DLGAP2: variants seen among roughly 807,000 people sequenced by gnomAD.
DLGAP2 encodes the protein disks large-associated protein 2.
A neutral mutation model predicts 100.3 loss-of-function variants in DLGAP2; 26 were observed. The ratio of observed to expected loss-of-function variants is 0.26; its 90% CI spans 0.19 to 0.36. The LOEUF is 0.36. Among genes scored for constraint, DLGAP2 ranks in the 10% least tolerant of loss-of-function variants. The pLI is 1.00. For synonymous variants in DLGAP2, 886 were observed against 630.1 expected, an observed-to-expected ratio of 1.41 and a Z score of -6.08; for missense variants, 1,858 against 1,453.2, an observed-to-expected ratio of 1.28 and a Z score of -4.53.
At chr8:761,403 G>A (rs898281400) in intron 1 of DLGAP2, among the ~76,000 whole-genome samples, 7 of 152,200 alleles carry the variant, frequency 4.6e-5, no homozygotes, top group Non-Finnish European at 8.8e-5. Context: ...ATTGCATCAC[G>A]GATTTTGGCT....
In DLGAP2 at chr8:919,547, A is replaced by T. The variant is rs187936318; in HGVS notation, c.73+11581A>T. Among the ~76,000 whole-genome samples, 51 of 152,298 alleles carry T rather than the reference A, an allele frequency of 3.3e-4. 1 individual carries two copies. Among genetic ancestry groups the T allele is most frequent in the African/African-American group, 1.2e-3 (49 of 41,570 alleles). On this transcript the variant is annotated intron_variant, in intron 2 of 14. Transcript: ENST00000637795. ...TGCCACCATCCACCCAGTTAACATC[A>T]GGTTGGCCTTGAGAATAGAGTCCAC...
chr8:974,706 A>G (rs780965855), intron 2 of DLGAP2, among the ~76,000 whole-genome samples: 3 of 152,206 alleles, frequency 2.0e-5, no homozygotes, highest in Admixed American at 6.5e-5. Flanking sequence ...CTAAGTAAAA[A>G]TGAAAATTCA....
intron 1 of DLGAP2, chr8:883,230 G>T (rs376391766): frequency 6.6e-6 from 1 of 152,418 alleles, no homozygotes; most frequent in East Asian, 1.9e-4. Flanking sequence ...CGGCCTCCAC[G>T]TGCAGTGACC....
chr8:1,470,372 G>C (rs1204489780), intron 3 of DLGAP2, among the ~76,000 whole-genome samples: 1 of 152,158 alleles, frequency 6.6e-6, no homozygotes, highest in Non-Finnish European at 1.5e-5. Flanking sequence ...TACAACCTGA[G>C]TCCACCACAG....
chr8:1,209,458 G>T (rs1190894279), intron 2 of DLGAP2, among the ~76,000 whole-genome samples: 1 of 152,162 alleles, frequency 6.6e-6, no homozygotes, highest in Non-Finnish European at 1.5e-5. Context: ...TGTAGTCCTA[G>T]ATCTGTGCTG....
chr8:1,258,971 G>A, intron 3 of DLGAP2, 88 bp downstream of exon 3: 2 of 1,113,216 alleles, frequency 1.8e-6, no homozygotes, highest in Non-Finnish European at 2.3e-6. Flanking sequence ...GAAACGTGTT[G>A]GAGAGAACCT....
intron 2 of DLGAP2, among the ~76,000 whole-genome samples, chr8:938,211 G>A (rs143621356): frequency 2.0e-5 from 3 of 152,122 alleles, no homozygotes; most frequent in South Asian, 4.2e-4. Flanking sequence ...TTGAGACAGG[G>A]TCTCTCTCTG....
At chr8:1,109,107 T>C (rs1184154374) in intron 2 of DLGAP2, among the ~76,000 whole-genome samples, 8 of 115,168 alleles carry the variant, frequency 6.9e-5, no homozygotes, top group Non-Finnish European at 9.5e-5. Context: ...TGTGCACGGG[T>C]CTGTGAGGTG....
intron 1 of DLGAP2, among the ~76,000 whole-genome samples, chr8:841,923 C>A (rs892933359): frequency 6.6e-6 from 1 of 152,182 alleles, no homozygotes; most frequent in Admixed American, 6.5e-5. Flanking sequence ...TTACAGCAGT[C>A]CATAATTAAA....
chr8:840,560 C>T (rs1160606104), intron 1 of DLGAP2, among the ~76,000 whole-genome samples: 101 of 66,296 alleles, frequency 1.5e-3, no homozygotes, highest in Middle Eastern at 0.011. Context: ...ATTCTGCGAG[C>T]GCGTCCACAC....
At chr8:1,392,774 C>A (rs13271896) in intron 3 of DLGAP2, among the ~76,000 whole-genome samples, 10 of 151,508 alleles carry the variant, frequency 6.6e-5, no homozygotes, top group African/African-American at 2.2e-4. Context: ...GGGCTGTGTT[C>A]TTTCTTCGGG....
At chr8:1,649,585 C>A (rs1054626961) in intron 8 of DLGAP2, among the ~76,000 whole-genome samples, 2 of 152,204 alleles carry the variant, frequency 1.3e-5, no homozygotes, top group South Asian at 4.1e-4. Flanking sequence ...ATGGTGAGAT[C>A]TGTATCACTA....
intron 2 of DLGAP2, 78 bp from the exon 3 acceptor site, chr8:1,258,773 G>A: frequency 8.5e-7 from 1 of 1,170,862 alleles, no homozygotes; most frequent in East Asian, 3.2e-5. Context: ...TAGTTTTGTT[G>A]TTGCTGATGT....
intron 2 of DLGAP2, among the ~76,000 whole-genome samples, chr8:1,085,430 C>G (rs746213175): frequency 2.2e-4 from 33 of 152,160 alleles, no homozygotes; most frequent in Admixed American, 5.2e-4. Flanking sequence ...CAGCATCACC[C>G]AGACCAATAT....
chr8:946,918 C>T (rs117034343), intron 2 of DLGAP2, among the ~76,000 whole-genome samples: 17 of 152,316 alleles, frequency 1.1e-4, no homozygotes, highest in South Asian at 6.2e-4. Flanking sequence ...GAAAAGCCAC[C>T]GGCCGCCCTG....
At chr8:951,843 C>T (rs1284419761) in intron 2 of DLGAP2, among the ~76,000 whole-genome samples, 2 of 152,204 alleles carry the variant, frequency 1.3e-5, no homozygotes, top group Non-Finnish European at 1.5e-5. Context: ...GTTTATCTTA[C>T]CCCCTTTTCC....
At chr8:896,671 C>T (rs1798149003) in intron 1 of DLGAP2, among the ~76,000 whole-genome samples, 1 of 152,072 alleles carries the variant, frequency 6.6e-6, no homozygotes, top group Admixed American at 6.5e-5. Flanking sequence ...CAAGTACTGT[C>T]TTCTATGGGA....
intron 3 of DLGAP2, among the ~76,000 whole-genome samples, chr8:1,490,016 C>A (rs532008431): frequency 6.6e-6 from 1 of 152,052 alleles, no homozygotes; most frequent in Non-Finnish European, 1.5e-5. Flanking sequence ...CTCAGCCTCC[C>A]GAGTAGCTGG....
Position 1,468,926 on chromosome 8 carries a change from C to T in DLGAP2, c.107-32440C>T, listed in dbSNP as rs1272194618. On this transcript the variant is annotated intron_variant, in intron 3 of 14. Transcript: ENST00000637795. Reference sequence around the variant, plus strand: ...TGTGCTCACTCCAGCCTCTCTCTCTCCTTAGAAAGACATCGTCCTGGTATT... The same window carrying T: ...TGTGCTCACTCCAGCCTCTCTCTCTTCTTAGAAAGACATCGTCCTGGTATT... 1.2e-4 allele frequency among the ~76,000 whole-genome samples: 19 copies of T among 152,166 alleles called. 1 individual carries two copies. Among genetic ancestry groups the T allele is most frequent in the Admixed American group, 1.2e-3 (19 of 15,278 alleles).
Sources: gnomAD v4.1 joint callset for allele counts (sites outside exome capture counted in the v4.1 genomes callset) on GRCh38, gnomAD v4.1.1 for gene constraint, MANE v1.5 for transcripts, NCBI Gene and HGNC (gene_info 2026-07-23, HGNC 2026-07-21) for gene names.